Variants in MCHR2 observed in about 807,000 individuals in gnomAD.
MCHR2 encodes the protein melanin-concentrating hormone receptor 2.
Under a neutral mutation model 24.8 loss-of-function variants are expected in MCHR2, and 15 were observed. The observed-to-expected ratio is 0.60, with a 90% CI of 0.40 to 0.93. The LOEUF (loss-of-function observed/expected upper bound fraction) is 0.93. MCHR2 is among the 40% of genes least tolerant of loss of function. The pLI is 0.00. For synonymous variants in MCHR2, 151 were observed against 147.6 expected, an observed-to-expected ratio of 1.02 and a Z score of -0.17; for missense variants, 386 against 408.7, an observed-to-expected ratio of 0.94 and a Z score of 0.48.
At chr6:99,950,860 A>G (rs1265280359) in intron 2 of MCHR2, among the ~76,000 whole-genome samples, 1 of 152,152 alleles carries the variant, frequency 6.6e-6, no homozygotes, top group Non-Finnish European at 1.5e-5. Flanking sequence ...GAATTAGTAA[A>G]ACTAACAAAA....
intron 1 of MCHR2, among the ~76,000 whole-genome samples, chr6:99,970,189 G>C (rs1369877185): frequency 6.6e-6 from 1 of 151,148 alleles, no homozygotes; most frequent in Non-Finnish European, 1.5e-5. Flanking sequence ...GTGTAAAAGT[G>C]TTCCTATTTC....
chr6:99,931,104 CAG>C (rs1774517554), intron 5 of MCHR2, among the ~76,000 whole-genome samples: 2 of 152,208 alleles, frequency 1.3e-5, no homozygotes. Flanking sequence ...AGGTCCACTC[CAG>C]ACCCTGTTTG....
chr6:99,982,118 G>A (rs1440777575), intron 1 of MCHR2, among the ~76,000 whole-genome samples: 2 of 151,918 alleles, frequency 1.3e-5, no homozygotes, highest in East Asian at 3.9e-4. Flanking sequence ...ATGGAACATC[G>A]GGTTTTCCTC....
intron 1 of MCHR2, among the ~76,000 whole-genome samples, chr6:99,980,383 G>C (rs944925846): frequency 6.6e-6 from 1 of 152,206 alleles, no homozygotes; most frequent in African/African-American, 2.4e-5. Flanking sequence ...GAAGTTGTTT[G>C]TGCTAATGGC....
chr6:99,979,895 T>A (rs1163880753), intron 1 of MCHR2, among the ~76,000 whole-genome samples: 1 of 152,240 alleles, frequency 6.6e-6, no homozygotes, highest in African/African-American at 2.4e-5. Context: ...GAAAAATGTA[T>A]GCTCCTTTGC....
intron 1 of MCHR2, among the ~76,000 whole-genome samples, chr6:99,968,679 T>C (rs1775337431): frequency 6.6e-6 from 1 of 152,124 alleles, no homozygotes; most frequent in Non-Finnish European, 1.5e-5. Context: ...ACAGCAGACT[T>C]AACATTCCTT....
chr6:99,960,097 GA>G (rs1157527632), intron 1 of MCHR2, among the ~76,000 whole-genome samples: 1 of 151,980 alleles, frequency 6.6e-6, no homozygotes, highest in Non-Finnish European at 1.5e-5. Context: ...AGCAGCAAGA[GA>G]AAAATGATTC....
At chr6:99,957,877 A>C (rs1343720201) in intron 1 of MCHR2, among the ~76,000 whole-genome samples, 1 of 152,090 alleles carries the variant, frequency 6.6e-6, no homozygotes, top group Non-Finnish European at 1.5e-5. Flanking sequence ...CAAGTTAATG[A>C]ATTTGAAGAC....
intron 1 of MCHR2, among the ~76,000 whole-genome samples, chr6:99,992,122 T>G (rs538092988): frequency 6.6e-6 from 1 of 152,350 alleles, no homozygotes; most frequent in South Asian, 2.1e-4. Flanking sequence ...GGGGTGTCAC[T>G]GCGGAAGGCA....
intron 5 of MCHR2, among the ~76,000 whole-genome samples, chr6:99,923,488 T>C (rs1774284136): frequency 2.0e-5 from 3 of 152,104 alleles, no homozygotes; most frequent in African/African-American, 7.2e-5. Flanking sequence ...GGGAAGTCTT[T>C]TAGTTTTTTC....
intron 1 of MCHR2, among the ~76,000 whole-genome samples, chr6:99,990,229 C>A (rs1775845569): frequency 6.6e-6 from 1 of 152,310 alleles, no homozygotes; most frequent in East Asian, 1.9e-4. Context: ...TAATGAGCTA[C>A]TAAATGTGTC....
chr6:99,937,038 T>C (rs930990919), intron 4 of MCHR2, among the ~76,000 whole-genome samples: 10 of 151,940 alleles, frequency 6.6e-5, no homozygotes, highest in Non-Finnish European at 1.2e-4. Flanking sequence ...GTAAATGCTA[T>C]TGATTTTTAT....
chr6:99,956,275 C>A, intron 1 of MCHR2, 101 bp from the exon 2 acceptor site: 1 of 804,606 alleles, frequency 1.2e-6, no homozygotes, highest in Non-Finnish European at 1.9e-6. Flanking sequence ...TTTTTAAAAC[C>A]AAGATTCCAT....
chr6:99,931,396 A>C (rs956220260), intron 5 of MCHR2, among the ~76,000 whole-genome samples: 1 of 152,208 alleles, frequency 6.6e-6, no homozygotes, highest in Non-Finnish European at 1.5e-5. Context: ...TTAAGTCTGC[A>C]GAGGTTACTG....
chr6:99,981,807 G>A (rs1775674687), intron 1 of MCHR2, among the ~76,000 whole-genome samples: 1 of 152,066 alleles, frequency 6.6e-6, no homozygotes, highest in Non-Finnish European at 1.5e-5. Flanking sequence ...TCACCTCTAA[G>A]AAACAGTCGG....
intron 4 of MCHR2, among the ~76,000 whole-genome samples, chr6:99,942,457 C>T (rs1774789311): frequency 6.6e-6 from 1 of 152,162 alleles, no homozygotes; most frequent in South Asian, 2.1e-4. Context: ...AGTCATTGGG[C>T]CCACCCTAAT....
At position 99,928,514 on chromosome 6, in the gene MCHR2, A is replaced by C. The variant is rs549564438; in HGVS notation, c.707+5884T>G. On this transcript the variant is annotated intron_variant, in intron 5 of 5. Coordinates refer to ENST00000281806, the MANE Select transcript of MCHR2 (RefSeq NM_001040179.2). ...CTATTGATTATTGCCACAATTTCAG[A>C]TCCTGTTATTGGTCTATTCAGAGAT... Among the ~76,000 whole-genome samples the C allele has an allele frequency of 6.7e-4, 102 of 151,738 alleles. No individual in the cohort carries two copies. In the East Asian group the frequency reaches 9.3e-3, roughly 14 times the overall value.
intron 4 of MCHR2, among the ~76,000 whole-genome samples, chr6:99,938,398 A>G (rs1475883816): frequency 6.6e-6 from 1 of 151,906 alleles, no homozygotes; most frequent in Non-Finnish European, 1.5e-5. Context: ...GTTGTATTTC[A>G]ACTTTCGTTT....
chr6:99,967,024 C>CT (rs967965546), intron 1 of MCHR2, among the ~76,000 whole-genome samples: 4 of 151,924 alleles, frequency 2.6e-5, no homozygotes, highest in East Asian at 1.9e-4. Flanking sequence ...GAAAAAAGTA[C>CT]TTTTTTTTGA....
Sources: gnomAD v4.1 joint callset for allele counts (sites outside exome capture counted in the v4.1 genomes callset) on GRCh38, gnomAD v4.1.1 for gene constraint, MANE v1.5 for transcripts, NCBI Gene and HGNC (gene_info 2026-07-23, HGNC 2026-07-21) for gene names.